Variants in CFAP251 observed in about 807,000 individuals in gnomAD.
The protein encoded by CFAP251 is cilia- and flagella-associated protein 251.
CFAP251 carries 93 observed loss-of-function variants against 126.7 expected under a neutral mutation model. The ratio of observed to expected loss-of-function variants is 0.73; its 90% CI spans 0.62 to 0.87. The LOEUF (loss-of-function observed/expected upper bound fraction) is 0.87, where lower values mean the gene tolerates loss of function less well. Among genes scored for constraint, CFAP251 ranks in the 40% least tolerant of loss-of-function variants. The pLI is 0.00. For missense variants in CFAP251, 1,287 were observed against 1,389.2 expected (o/e 0.93, Z 1.17); for synonymous variants, 503 against 506.9 (o/e 0.99, Z 0.10).
In CFAP251 at chr12:121,921,792, C is replaced by CCT. The variant is rs113043720; in HGVS notation, c.378+109_378+110insCT. ...AAACCAAATAAGGTACAATCCATTC[C>CCT]TTTTTTTTTTTTTTTGAGACAGAGT... On this transcript the variant is annotated intron_variant, in intron 2 of 21. Coordinates refer to ENST00000288912, the MANE Select transcript of CFAP251 (RefSeq NM_144668.6). 84 of 796,916 alleles carry CCT rather than the reference C, an allele frequency of 1.1e-4. 1 individual carries two copies. Among genetic ancestry groups the CCT allele is most frequent in the Admixed American group, 1.1e-4 (3 of 27,414 alleles). The allele number at this position is 796,916 out of a possible 1,614,324, so 49.4% of individuals were successfully genotyped here.
In CFAP251 at chr12:122,001,015, G is replaced by T. The variant is rs1883134605; in HGVS notation, c.3236-482G>T. ...AGACCAGCCTGGCCCAACATAGCAA[G>T]ACTTCATCTCCACCAGAAAAGTTTT... On this transcript the variant is annotated intron_variant, in intron 20 of 21. Transcript: ENST00000288912. Among the ~76,000 whole-genome samples, 3 of 148,858 alleles carry T rather than the reference G, an allele frequency of 2.0e-5. No individual in the cohort carries two copies. The South Asian group carries it at 6.7e-4, about 33-fold the overall frequency.
rs1212600107 is a variant in CFAP251, at chr12:121,921,381, C to A, written c.76C>A (p.Pro26Thr). ...AACAGAAATGAAAGAAGAGGAGGAA[C>A]CTAATCCAAATTATAAAGAAGTAGA... ...GETEMKEEEEPNPNYKEVEDP... is the reference protein window; with the variant it reads ...GETEMKEEEETNPNYKEVEDP... Residue 26 changes from proline (P) to threonine (T), a missense_variant, in exon 2 of 22, where the codon CCT becomes ACT. Coordinates refer to ENST00000288912, the MANE Select transcript of CFAP251 (RefSeq NM_144668.6). 7 of 1,607,912 alleles carry A rather than the reference C, an allele frequency of 4.4e-6. No individual in the cohort carries two copies. Among genetic ancestry groups the A allele is most frequent in the South Asian group, 2.2e-5 (2 of 90,110 alleles).
chr12:121,931,532 C>T (rs939886648), intron 3 of CFAP251, among the ~76,000 whole-genome samples: 1 of 151,896 alleles, frequency 6.6e-6, no homozygotes, highest in Non-Finnish European at 1.5e-5. Flanking sequence ...AGGTTGGTCT[C>T]GAACTCCCGA....
At chr12:121,942,296 C>T (rs1481920328) in intron 5 of CFAP251, among the ~76,000 whole-genome samples, 1 of 152,178 alleles carries the variant, frequency 6.6e-6, no homozygotes, top group African/African-American at 2.4e-5. Flanking sequence ...TGGACTCATA[C>T]ACCACACGCC....
In CFAP251 at chr12:121,972,634, G is replaced by A. The variant is rs528250471; in HGVS notation, c.2772-2610G>A. Among the ~76,000 whole-genome samples the A allele has an allele frequency of 4.6e-5, 7 of 152,188 alleles. No individual in the cohort carries two copies. The South Asian group carries it at 8.3e-4, about 18-fold the overall frequency. Reference sequence around the variant, plus strand: ...CTCCTGAGTAGCTGGGACCACAGGTGTGTGCCACCATGCCTGGCTAATTTT... The same window carrying A: ...CTCCTGAGTAGCTGGGACCACAGGTATGTGCCACCATGCCTGGCTAATTTT... On this transcript the variant is annotated intron_variant, in intron 17 of 21. Coordinates refer to ENST00000288912, the MANE Select transcript of CFAP251 (RefSeq NM_144668.6).
intron 15 of CFAP251, among the ~76,000 whole-genome samples, chr12:121,964,484 G>A (rs1882054550): frequency 6.6e-6 from 1 of 152,222 alleles, no homozygotes; most frequent in South Asian, 2.1e-4. Context: ...GAGGAAAGAG[G>A]CAGGAGGGAC....
rs1466824819 is a variant in CFAP251 at position 121,954,649 on chromosome 12, A to AAAAAAAC, written c.1535+321_1535+322insCAAAAAA. On this transcript the variant is annotated intron_variant, in intron 10 of 21. Transcript: ENST00000288912. The stretch of plus-strand genomic sequence containing the variant: ...ACCCTCCTGTCTTAAAAAAAAAAAA[A>AAAAAAAC]AAAAAAAAAAAAAAAAAAACCTCTT... 1.5e-4 allele frequency among the ~76,000 whole-genome samples: 21 copies of AAAAAAAC among 139,954 alleles called. 1 individual carries two copies. Among genetic ancestry groups the AAAAAAAC allele is most frequent in the Non-Finnish European group, 3.2e-4 (20 of 61,564 alleles). The allele number at this position is 139,954 out of a possible 152,430, so 91.8% of individuals were successfully genotyped here.
chr12:121,955,040 C>T (rs141979343), intron 10 of CFAP251, among the ~76,000 whole-genome samples: 66 of 152,298 alleles, frequency 4.3e-4, no homozygotes, highest in African/African-American at 7.9e-4. Flanking sequence ...CGGTGGCTCA[C>T]GCCTGTAATC....
chr12:121,954,843 AT>A (rs980910052), intron 10 of CFAP251, among the ~76,000 whole-genome samples: 6 of 152,084 alleles, frequency 3.9e-5, no homozygotes, highest in African/African-American at 1.4e-4. Flanking sequence ...TTTTAAAAAA[AT>A]CATGAGTATG....
At chr12:121,969,740 G>C in intron 17 of CFAP251, 2 of 982,536 alleles carry the variant, frequency 2.0e-6, no homozygotes, top group South Asian at 4.7e-5. Flanking sequence ...GGCACCTAAA[G>C]TGTTGGGATT....
At chr12:121,928,680 ATATATATACGTATATATATATATATT>A (rs1565902739) in intron 3 of CFAP251, among the ~76,000 whole-genome samples, 6,754 of 59,962 alleles carry the variant, frequency 0.11, 393 homozygotes, top group Non-Finnish European at 0.2. Flanking sequence ...GTATATATAT[ATATATATACGTATATATATATATATT>A]TTTTTTTTGA....
chr12:121,956,256 G>T (rs1881724295), intron 10 of CFAP251, among the ~76,000 whole-genome samples: 2 of 152,124 alleles, frequency 1.3e-5, no homozygotes, highest in South Asian at 4.1e-4. Context: ...TCAGAGGGCT[G>T]GTGAAGCGAT....
intron 17 of CFAP251, chr12:121,969,593 C>A: frequency 1.2e-6 from 1 of 805,572 alleles, no homozygotes; most frequent in Non-Finnish European, 1.5e-6. Context: ...TCAAACAATT[C>A]TCCTGCCTCA....
At chr12:121,994,334 G>A (rs1208650476) in intron 19 of CFAP251, among the ~76,000 whole-genome samples, 2 of 64,060 alleles carry the variant, frequency 3.1e-5, no homozygotes, top group Admixed American at 2.6e-4. Context: ...AGGGAGGTGG[G>A]GGGGGTCAGC....
chr12:121,999,701 C>T lies in CFAP251; in HGVS notation c.3007-15C>T. ...ATTTACTGTGGTCTTTTTTTTTTCC[C>T]CATCTTTCCCCTAGATTGATGATAT... On this transcript the variant is annotated splice_polypyrimidine_tract_variant and intron_variant, in intron 19 of 21. Transcript: ENST00000288912. The T allele has an allele frequency of 6.4e-7, 1 of 1,565,500 alleles. No homozygotes were observed. Among genetic ancestry groups the T allele is most frequent in the Non-Finnish European group, 8.7e-7 (1 of 1,150,698 alleles).
chr12:121,971,288 G>T (rs1882321344), intron 17 of CFAP251, among the ~76,000 whole-genome samples: 1 of 152,162 alleles, frequency 6.6e-6, no homozygotes, highest in African/African-American at 2.4e-5. Context: ...TGCTGGAGGG[G>T]CCCTTGCTGG....
intron 12 of CFAP251, 52 bp from the exon 13 acceptor site, chr12:121,958,891 T>C (rs1395872711): frequency 6.5e-7 from 1 of 1,534,030 alleles, no homozygotes; most frequent in East Asian, 2.3e-5. Flanking sequence ...AGACTCAACA[T>C]CTCTTGAATG....
intron 8 of CFAP251, chr12:121,950,343 G>C (rs759623530): frequency 6.6e-6 from 1 of 152,194 alleles, no homozygotes; most frequent in Non-Finnish European, 1.5e-5. Flanking sequence ...ATAGGTAGGA[G>C]ATTTCCTTTT....
chr12:121,954,526 A>G (rs1392969778), intron 10 of CFAP251, among the ~76,000 whole-genome samples, 192 bp downstream of exon 10: 1 of 150,866 alleles, frequency 6.6e-6, no homozygotes, highest in African/African-American at 2.4e-5. Flanking sequence ...CTACCAAAAA[A>G]CAAAGAGAGA....
Sources: allele counts gnomAD v4.1 joint callset (sites outside exome capture counted in the v4.1 genomes callset), GRCh38; gene constraint gnomAD v4.1.1; transcripts MANE v1.5; gene names NCBI Gene and HGNC (gene_info 2026-07-23, HGNC 2026-07-21).